The following NREP variants were observed in gnomAD, a reference collection of about 807,000 sequenced individuals.
NREP encodes neuronal regeneration related protein, also known as neuronal regeneration-related protein.
In NREP, 5 loss-of-function variants were observed where a neutral mutation model predicts 8.6. The ratio of observed to expected loss-of-function variants is 0.58; its 90% CI spans 0.30 to 1.22. The LOEUF (loss-of-function observed/expected upper bound fraction) is 1.22, where lower values mean the gene tolerates loss of function less well. Ranked by LOEUF, NREP falls within the 50% of genes most tolerant of loss-of-function variation. NREP has a pLI of 0.07. For synonymous variants in NREP, 27 were observed against 28.0 expected, an observed-to-expected ratio of 0.96 and a Z score of 0.11; for missense variants, 86 against 82.5, an observed-to-expected ratio of 1.04 and a Z score of -0.17.
At chr5:111,758,559 AG>A (rs1178444687), upstream of NREP, among the ~76,000 whole-genome samples, 1 of 152,236 alleles carries the variant, frequency 6.6e-6, no homozygotes, top group East Asian at 1.9e-4. Context: ...TCACAGGAGA[AG>A]ATTATTTCCT....
intron 2 of NREP, among the ~76,000 whole-genome samples, chr5:111,894,211 T>G (rs1754456658): frequency 6.6e-6 from 1 of 151,972 alleles, no homozygotes. Context: ...AGAGCAAAAC[T>G]CCGTCTCAAA....
intron 2 of NREP, among the ~76,000 whole-genome samples, chr5:111,794,694 G>A (rs570924418): frequency 6.6e-6 from 1 of 152,148 alleles, no homozygotes; most frequent in African/African-American, 2.4e-5. Context: ...GGGATGAATA[G>A]GTGAGTACAG....
rs959656123 is a variant in NREP, at chr5:111,765,985, C to A, written c.136-30478G>T. Among the ~76,000 whole-genome samples the A allele has an allele frequency of 2.0e-5, 3 of 149,584 alleles. No homozygotes were observed. The Admixed American group carries it at 2.0e-4, about 10-fold the overall frequency. On this transcript the variant is annotated intron_variant, in intron 2 of 3. Transcript: ENST00000395634. ...ACCACACCATTTGCCAGTTACTCCACCACATACTGATAATGAAATATTGTC... is the reference window on the plus strand; with the variant it reads ...ACCACACCATTTGCCAGTTACTCCAACACATACTGATAATGAAATATTGTC...
At chr5:111,912,972 G>A (rs1754954082) in intron 2 of NREP, among the ~76,000 whole-genome samples, 1 of 151,998 alleles carries the variant, frequency 6.6e-6, no homozygotes, top group African/African-American at 2.4e-5. Flanking sequence ...TATTAGCATT[G>A]ACCAGTAATT....
chr5:111,975,598 G>A lies in NREP; in HGVS notation c.31-220C>T, dbSNP rs190815153. On this transcript the variant is annotated intron_variant, in intron 1 of 3. Transcript: ENST00000395634. ...AGGGATGTAGGGTACTTTAGAAAGGGGTGTGGTTCTAAAAAAGGTGTTTGA... is the reference window on the plus strand; with the variant it reads ...AGGGATGTAGGGTACTTTAGAAAGGAGTGTGGTTCTAAAAAAGGTGTTTGA... Among the ~76,000 whole-genome samples the A allele has an allele frequency of 2.0e-3, 308 of 152,138 alleles. 1 individual carries two copies. Among genetic ancestry groups the A allele is most frequent in the Non-Finnish European group, 4.0e-3 (270 of 67,996 alleles).
intron 2 of NREP, among the ~76,000 whole-genome samples, chr5:111,852,403 C>T (rs893818548): frequency 1.3e-5 from 2 of 152,118 alleles, no homozygotes; most frequent in East Asian, 1.9e-4. Context: ...TGACGAGGGG[C>T]GCAGTCTCAA....
chr5:111,837,173 AC>A (rs1752915851), intron 2 of NREP, among the ~76,000 whole-genome samples: 1 of 152,112 alleles, frequency 6.6e-6, no homozygotes, highest in South Asian at 2.1e-4. Flanking sequence ...CTGACTCTAA[AC>A]AGAAGATCCT....
chr5:111,882,395 GA>G (rs1754105326), intron 2 of NREP, among the ~76,000 whole-genome samples: 1 of 152,204 alleles, frequency 6.6e-6, no homozygotes. Flanking sequence ...AACTAAGTTG[GA>G]AAACACTCTG....
chr5:111,971,786 C>T (rs896168087), intron 2 of NREP, among the ~76,000 whole-genome samples: 5 of 151,320 alleles, frequency 3.3e-5, no homozygotes, highest in Non-Finnish European at 7.4e-5. Flanking sequence ...GAAAATGATG[C>T]GAAAAGCACA....
At chr5:111,884,668 ATG>A (rs1754189127) in intron 2 of NREP, among the ~76,000 whole-genome samples, 2 of 152,330 alleles carry the variant, frequency 1.3e-5, no homozygotes, top group East Asian at 3.9e-4. Context: ...GGCTGGTTCA[ATG>A]TACACAAATC....
chr5:111,870,711 A>T (rs1753769201), intron 2 of NREP, among the ~76,000 whole-genome samples: 1 of 152,132 alleles, frequency 6.6e-6, no homozygotes. Context: ...TATAACTGAC[A>T]TCCTTACAAG....
chr5:111,883,414 C>T lies in NREP; in HGVS notation c.135+91860G>A, dbSNP rs548392968. Among the ~76,000 whole-genome samples the T allele has an allele frequency of 5.2e-3, 793 of 152,174 alleles. 1 individual carries two copies. Among genetic ancestry groups the T allele is most frequent in the Non-Finnish European group, 7.5e-3 (512 of 67,996 alleles). On this transcript the variant is annotated intron_variant, in intron 2 of 3. Transcript: ENST00000395634. ...CCACTGTCAACATTAGACAGATCAACGAGACAGAAAGTTAACAAGGATACC... is the reference window on the plus strand; with the variant it reads ...CCACTGTCAACATTAGACAGATCAATGAGACAGAAAGTTAACAAGGATACC...
At chr5:111,811,316 CAT>C (rs60992976) in intron 2 of NREP, among the ~76,000 whole-genome samples, 19,319 of 152,046 alleles carry the variant, frequency 0.13, 2,030 homozygotes, top group African/African-American at 0.28. Flanking sequence ...ATTATTAAGA[CAT>C]GTGTATCAGA....
At chr5:111,917,048 A>G (rs966421196) in intron 2 of NREP, among the ~76,000 whole-genome samples, 2 of 152,182 alleles carry the variant, frequency 1.3e-5, no homozygotes, top group South Asian at 4.2e-4. Context: ...TTGGGGTTTT[A>G]TATGTTGGCA....
chr5:111,835,579 CA>C (rs1752874080), intron 2 of NREP, among the ~76,000 whole-genome samples: 1 of 151,770 alleles, frequency 6.6e-6, no homozygotes, highest in Non-Finnish European at 1.5e-5. Flanking sequence ...GATATTCAAG[CA>C]AAAGAAAGAG....
intron 2 of NREP, among the ~76,000 whole-genome samples, chr5:111,819,104 G>C (rs781133961): frequency 1.3e-5 from 2 of 151,992 alleles, no homozygotes; most frequent in Non-Finnish European, 2.9e-5. Context: ...CTCTTTACCT[G>C]CTTGCCTCTA....
At chr5:111,852,535 C>A (rs1272864903) in intron 2 of NREP, among the ~76,000 whole-genome samples, 1 of 152,062 alleles carries the variant, frequency 6.6e-6, no homozygotes, top group African/African-American at 2.4e-5. Context: ...AATGAAGAGA[C>A]ATTTATGAAG....
chr5:111,918,684 TCCTTATA>T (rs1561345325), intron 2 of NREP, among the ~76,000 whole-genome samples: 2 of 152,054 alleles, frequency 1.3e-5, no homozygotes, highest in Non-Finnish European at 2.9e-5. Flanking sequence ...CTAGACCCCT[TCCTTATA>T]CCTTATACAA....
intron 2 of NREP, among the ~76,000 whole-genome samples, chr5:111,844,500 G>C (rs1753109589): frequency 6.6e-6 from 1 of 150,916 alleles, no homozygotes; most frequent in Non-Finnish European, 1.5e-5. Context: ...GTTCTATCTG[G>C]ATAAATTTCT....
Sources: gnomAD v4.1 joint callset for allele counts (sites outside exome capture counted in the v4.1 genomes callset) on GRCh38, gnomAD v4.1.1 for gene constraint, MANE v1.5 for transcripts, NCBI Gene and HGNC (gene_info 2026-07-23, HGNC 2026-07-21) for gene names.